Variants in GDPD1 observed in about 807,000 individuals in gnomAD.
GDPD1 encodes the protein glycerophosphodiester phosphodiesterase domain containing 1.
GDPD1 carries 28 observed loss-of-function variants against 45.1 expected under a neutral mutation model. The ratio of observed to expected loss-of-function variants is 0.62; its 90% confidence interval spans 0.46 to 0.85. The LOEUF is 0.85. Ranked by LOEUF, GDPD1 falls within the 40% of genes least tolerant of loss-of-function variation. The probability of loss-of-function intolerance (pLI) is 0.00; values close to 1 mark genes in which losing one functional copy is unlikely to be tolerated. For missense variants in GDPD1, 256 were observed against 364.8 expected, an observed-to-expected ratio of 0.70 and a Z score of 2.43; for synonymous variants, 139 against 131.4, an observed-to-expected ratio of 1.06 and a Z score of -0.40.
chr17:59,229,452 T>A (rs1216503455), intron 1 of GDPD1, among the ~76,000 whole-genome samples: 2 of 151,670 alleles, frequency 1.3e-5, no homozygotes, highest in Non-Finnish European at 2.9e-5. Context: ...CTCGAACTCC[T>A]GACCTCAGGT....
chr17:59,255,789 G>A (rs1380302281), intron 4 of GDPD1, among the ~76,000 whole-genome samples: 10 of 38,834 alleles, frequency 2.6e-4, no homozygotes, highest in African/African-American at 4.3e-4. Context: ...ATATATACGC[G>A]TATATATGTA....
chr17:59,262,111 G>A lies in GDPD1; in HGVS notation c.576+4271G>A, dbSNP rs1291003191. ...TTTTTTTTGTATTTTTAGTAGAGAC[G>A]GGGTTTCACCGTTTTAGCCGGGATG... On this transcript the variant is annotated intron_variant, in intron 6 of 9. Transcript: ENST00000284116. 4.6e-5 allele frequency among the ~76,000 whole-genome samples: 7 copies of A among 150,872 alleles called. No individual in the cohort carries two copies. In the East Asian group the frequency reaches 9.8e-4, roughly 21 times the overall value.
At chr17:59,241,073 G>A (rs983990416) in intron 2 of GDPD1, among the ~76,000 whole-genome samples, 5 of 152,138 alleles carry the variant, frequency 3.3e-5, no homozygotes, top group Admixed American at 6.5e-5. Context: ...TTGTAACCAC[G>A]GAACAATAGG....
At position 59,257,824 on chromosome 17, in the gene GDPD1, A is replaced by G; in HGVS notation, c.560A>G (p.Glu187Gly). 1 of 1,597,976 alleles carries G rather than the reference A, an allele frequency of 6.3e-7. No individual in the cohort carries two copies. Among genetic ancestry groups the G allele is most frequent in the Non-Finnish European group, 8.5e-7 (1 of 1,169,612 alleles). The change falls in exon 6 of 10, where the codon GAA (glutamate) becomes GGA (glycine). Residue 187 changes from glutamate (E) to glycine (G), a missense_variant. Transcript: ENST00000284116. ...VWGNANYEIV[E>G]KCYKENSDIP... ...GGTAATGCCAATTATGAAATTGTAG[A>G]AAAGTGCTACAAAGAGGTAAGCTTC...
chr17:59,233,709 A>T (rs2047110037), intron 1 of GDPD1, among the ~76,000 whole-genome samples: 1 of 152,046 alleles, frequency 6.6e-6, no homozygotes, highest in Non-Finnish European at 1.5e-5. Context: ...TTAAGTACTT[A>T]TGTATGAATA....
At chr17:59,237,004 C>T (rs2047137171) in intron 2 of GDPD1, among the ~76,000 whole-genome samples, 1 of 152,082 alleles carries the variant, frequency 6.6e-6, no homozygotes, top group Non-Finnish European at 1.5e-5. Context: ...CAAAAAATTA[C>T]AAATATTCTA....
chr17:59,263,677 T>G (rs1404119837), intron 6 of GDPD1, among the ~76,000 whole-genome samples: 2 of 151,220 alleles, frequency 1.3e-5, no homozygotes, highest in Non-Finnish European at 2.9e-5. Context: ...ACGGGGTTTC[T>G]CTATGTTGGT....
At chr17:59,255,822 TATATAC>T (rs1235771452) in intron 4 of GDPD1, among the ~76,000 whole-genome samples, 54 of 72,584 alleles carry the variant, frequency 7.4e-4, no homozygotes, top group Non-Finnish European at 9.9e-4. Context: ...CGCGTATATA[TATATAC>T]GCGTATATAT....
chr17:59,268,920 G>A (rs528707456), intron 7 of GDPD1, among the ~76,000 whole-genome samples: 29 of 151,720 alleles, frequency 1.9e-4, no homozygotes, highest in African/African-American at 6.5e-4. Context: ...AACACGGGGG[G>A]CAGAAGTTGC....
At chr17:59,267,946 C>T (rs1301411761) in intron 7 of GDPD1, among the ~76,000 whole-genome samples, 2 of 152,074 alleles carry the variant, frequency 1.3e-5, no homozygotes, top group South Asian at 2.1e-4. Context: ...GGATTATAGG[C>T]GTGACCCGCC....
chr17:59,272,947 G>C, intron 9 of GDPD1, 111 bp downstream of exon 9: 1 of 1,595,988 alleles, frequency 6.3e-7, no homozygotes, highest in Non-Finnish European at 8.5e-7. Context: ...CTCTGATGCT[G>C]CTGCTTTACT....
chr17:59,245,549 T>C lies in GDPD1; in HGVS notation c.321T>C (p.Cys107=), dbSNP rs1641989175. ...TAAACATCTCTGATCTCAAATACTG[T>C]GTAAGTAAAAATGCATGATAAACTA... ...VNVNISDLKY[C]ELPPYLGKLD... is the part of the protein sequence containing the mutation. The change falls in exon 3 of 10, where the codon TGT becomes TGC. Residue 107 remains cysteine (C), a splice_region_variant and synonymous_variant. Coordinates refer to ENST00000284116, the MANE Select transcript of GDPD1 (RefSeq NM_182569.4). The C allele has an allele frequency of 6.3e-7, 1 of 1,598,678 alleles. No homozygotes were observed. Among genetic ancestry groups the C allele is most frequent in the Non-Finnish European group, 8.5e-7 (1 of 1,173,600 alleles).
intron 4 of GDPD1, among the ~76,000 whole-genome samples, chr17:59,256,524 A>G (rs921141332): frequency 3.9e-5 from 6 of 152,214 alleles, no homozygotes; most frequent in African/African-American, 1.2e-4. Flanking sequence ...GAAAAAGTCA[A>G]TGATGATATA....
At chr17:59,234,634 A>G (rs2047118007) in intron 2 of GDPD1, 100 bp downstream of exon 2, 2 of 792,336 alleles carry the variant, frequency 2.5e-6, no homozygotes, top group Non-Finnish European at 2.1e-6. Context: ...GTGTAAGTGT[A>G]GCATCAGTTT....
chr17:59,255,857 G>GTATATATATATATATACACGTATA (rs2047303450), intron 4 of GDPD1, among the ~76,000 whole-genome samples: 1 of 40,886 alleles, frequency 2.4e-5, no homozygotes, highest in African/African-American at 1.5e-4. Flanking sequence ...ATATACACAC[G>GTATATATATATATATACACGTATA]TATATATATA....
chr17:59,244,823 CTATCT>C (rs1422213491), intron 2 of GDPD1, among the ~76,000 whole-genome samples: 1 of 151,288 alleles, frequency 6.6e-6, no homozygotes, highest in African/African-American at 2.4e-5. Context: ...TAACAAGACC[CTATCT>C]CTACTAAAAA....
chr17:59,223,345 G>GTA (rs2047020809), intron 1 of GDPD1, among the ~76,000 whole-genome samples: 1 of 152,196 alleles, frequency 6.6e-6, no homozygotes, highest in South Asian at 2.1e-4. Context: ...TAAACACTGT[G>GTA]GTAAGTTCCC....
intron 1 of GDPD1, among the ~76,000 whole-genome samples, chr17:59,229,560 C>A (rs373638579): frequency 6.6e-6 from 1 of 151,046 alleles, no homozygotes; most frequent in African/African-American, 2.4e-5. Context: ...GGGGGTTTCA[C>A]CATGTTGGCT....
chr17:59,229,571 A>G (rs2047073556), intron 1 of GDPD1, among the ~76,000 whole-genome samples: 1 of 151,544 alleles, frequency 6.6e-6, no homozygotes, highest in African/African-American at 2.4e-5. Context: ...CATGTTGGCT[A>G]GGTGGGTCTC....
Sources: gnomAD v4.1 joint callset for allele counts (sites outside exome capture counted in the v4.1 genomes callset) on GRCh38, gnomAD v4.1.1 for gene constraint, MANE v1.5 for transcripts, NCBI Gene and HGNC (gene_info 2026-07-23, HGNC 2026-07-21) for gene names.